ADAMTS19: variants seen among roughly 807,000 people sequenced by gnomAD.
ADAMTS19 encodes the protein ADAM metallopeptidase with thrombospondin type 1 motif 19, also known as A disintegrin and metalloproteinase with thrombospondin motifs 19.
ADAMTS19 carries 93 observed loss-of-function variants against 153.3 expected under a neutral mutation model. The ratio of observed to expected loss-of-function variants is 0.61; its 90% confidence interval spans 0.51 to 0.72. ADAMTS19 has a LOEUF of 0.72. Among genes scored for constraint, ADAMTS19 ranks in the 30% least tolerant of loss-of-function variants. ADAMTS19 has a pLI of 0.00. For synonymous variants in ADAMTS19, 600 were observed against 556.6 expected, an observed-to-expected ratio of 1.08 and a Z score of -1.10; for missense variants, 1,482 against 1,552.1, an observed-to-expected ratio of 0.95 and a Z score of 0.76.
At chr5:129,535,226 C>T (rs1046576908) in intron 6 of ADAMTS19, among the ~76,000 whole-genome samples, 7 of 152,132 alleles carry the variant, frequency 4.6e-5, no homozygotes, top group African/African-American at 1.7e-4. Context: ...TCTCAGGATA[C>T]AAAATCAATG....
intron 13 of ADAMTS19, among the ~76,000 whole-genome samples, chr5:129,653,062 G>A (rs1021078742): frequency 6.6e-6 from 1 of 152,116 alleles, no homozygotes; most frequent in African/African-American, 2.4e-5. Flanking sequence ...TGTGAAAACT[G>A]TTTGAAATGT....
chr5:129,695,857 C>G (rs187586755), intron 19 of ADAMTS19, among the ~76,000 whole-genome samples: 2 of 152,110 alleles, frequency 1.3e-5, no homozygotes, highest in African/African-American at 4.8e-5. Context: ...ATTGATCTTC[C>G]CCTCACAAGA....
chr5:129,679,129 T>C (rs1754679713), intron 16 of ADAMTS19, among the ~76,000 whole-genome samples: 1 of 152,238 alleles, frequency 6.6e-6, no homozygotes, highest in South Asian at 2.1e-4. Flanking sequence ...AGAATTATTC[T>C]GTAAAATCCT....
chr5:129,540,189 A>G (rs1264554155), intron 6 of ADAMTS19, among the ~76,000 whole-genome samples: 1 of 152,042 alleles, frequency 6.6e-6, no homozygotes, highest in African/African-American at 2.4e-5. Context: ...TAACTAGTAA[A>G]TGTTGGGGGT....
rs528615552 is a variant in ADAMTS19 at position 129,632,685 on chromosome 5, C to A, written c.1771-9174C>A. Among the ~76,000 whole-genome samples the A allele has an allele frequency of 5.5e-4, 83 of 151,770 alleles. 1 individual carries two copies. The highest frequency in any genetic ancestry group is 4.3e-3 in the East Asian group (22 of 5,164). The stretch of plus-strand genomic sequence containing the variant: ...ATATAAAATTATAGGTTGACTTTTT[C>A]TTTTTCTTTTACCATCTCAGAAACC... On this transcript the variant is annotated intron_variant, in intron 10 of 22. Transcript: ENST00000274487.
intron 2 of ADAMTS19, among the ~76,000 whole-genome samples, chr5:129,471,943 C>T (rs1384131641): frequency 6.6e-6 from 1 of 152,210 alleles, no homozygotes; most frequent in Non-Finnish European, 1.5e-5. Context: ...TTTCTTTATT[C>T]AGTCTACCAT....
chr5:129,732,620 G>C (rs147615957), intron 21 of ADAMTS19, among the ~76,000 whole-genome samples: 4 of 152,102 alleles, frequency 2.6e-5, no homozygotes, highest in African/African-American at 9.6e-5. Context: ...GAAGGTGCAA[G>C]ACCTCTACAA....
intron 8 of ADAMTS19, among the ~76,000 whole-genome samples, chr5:129,606,060 A>T (rs1250335182): frequency 6.6e-6 from 1 of 152,184 alleles, no homozygotes; most frequent in Non-Finnish European, 1.5e-5. Flanking sequence ...CAAGTAGGCA[A>T]TTCAGGAGTT....
At chr5:129,574,833 AT>A (rs1187866469) in intron 7 of ADAMTS19, among the ~76,000 whole-genome samples, 1 of 148,486 alleles carries the variant, frequency 6.7e-6, no homozygotes, top group South Asian at 2.2e-4. Flanking sequence ...GAAATCAGAA[AT>A]TTTTTTAAGT....
chr5:129,592,831 C>T (rs1750204590), intron 7 of ADAMTS19, among the ~76,000 whole-genome samples: 1 of 152,006 alleles, frequency 6.6e-6, no homozygotes, highest in African/African-American at 2.4e-5. Flanking sequence ...CTTTAATTTT[C>T]TCATGATAAA....
At chr5:129,509,346 T>G (rs1751361589) in intron 3 of ADAMTS19, 104 bp downstream of exon 3, 5 of 1,025,054 alleles carry the variant, frequency 4.9e-6, no homozygotes, top group Non-Finnish European at 6.9e-6. Flanking sequence ...ATTTTTAATG[T>G]AGAATCTTTT....
chr5:129,473,527 A>G (rs147505846), intron 2 of ADAMTS19, among the ~76,000 whole-genome samples: 9 of 152,288 alleles, frequency 5.9e-5, no homozygotes, highest in Middle Eastern at 3.4e-3. Flanking sequence ...TGAGTAATTC[A>G]TCATGGAAAT....
intron 19 of ADAMTS19, among the ~76,000 whole-genome samples, chr5:129,695,161 G>C (rs146013559): frequency 8.5e-5 from 13 of 152,164 alleles, no homozygotes; most frequent in Admixed American, 7.9e-4. Context: ...GTGGAACATA[G>C]CTGTTTGCTC....
chr5:129,527,669 A>G (rs887229300), intron 4 of ADAMTS19, 79 bp from the exon 5 acceptor site: 1 of 582,490 alleles, frequency 1.7e-6, no homozygotes, highest in Non-Finnish European at 2.9e-6. Flanking sequence ...AAATTGAGAC[A>G]TCTCCATGTA....
chr5:129,643,383 A>AAAAAAAAAAAAAAAG (rs1561622465), intron 11 of ADAMTS19, among the ~76,000 whole-genome samples: 17 of 108,340 alleles, frequency 1.6e-4, no homozygotes, highest in Non-Finnish European at 2.4e-4. Context: ...AAAAAAAAAA[A>AAAAAAAAAAAAAAAG]AAAGAAAAAA....
intron 10 of ADAMTS19, among the ~76,000 whole-genome samples, chr5:129,626,672 T>C (rs770623925): frequency 6.6e-6 from 1 of 152,122 alleles, no homozygotes; most frequent in African/African-American, 2.4e-5. Flanking sequence ...ATTTACATAT[T>C]TAGTCATTGA....
chr5:129,563,775 G>C (rs1373287348), intron 7 of ADAMTS19, among the ~76,000 whole-genome samples: 4 of 152,160 alleles, frequency 2.6e-5, no homozygotes, highest in African/African-American at 4.8e-5. Flanking sequence ...ATTCAGTGTG[G>C]TAGACAGAAT....
chr5:129,581,115 T>A (rs1749493607), intron 7 of ADAMTS19, among the ~76,000 whole-genome samples: 1 of 152,272 alleles, frequency 6.6e-6, no homozygotes, highest in South Asian at 2.1e-4. Flanking sequence ...TTTCAGAACT[T>A]GCTATTGCTC....
intron 5 of ADAMTS19, 84 bp downstream of exon 5, chr5:129,527,915 T>A (rs1752073153): frequency 6.9e-6 from 6 of 872,360 alleles, no homozygotes; most frequent in Admixed American, 2.1e-5. Flanking sequence ...ATGTTAAGGA[T>A]GTGCTTAAAA....
Sources: allele counts gnomAD v4.1 joint callset (sites outside exome capture counted in the v4.1 genomes callset), GRCh38; gene constraint gnomAD v4.1.1; transcripts MANE v1.5; gene names NCBI Gene and HGNC (gene_info 2026-07-23, HGNC 2026-07-21).